The following ACOX2 variants were observed in gnomAD, a reference collection of about 807,000 sequenced individuals.
The protein encoded by ACOX2 is peroxisomal acyl-coenzyme A oxidase 2.
A neutral mutation model predicts 77.5 loss-of-function variants in ACOX2; 59 were observed. The observed-to-expected ratio is 0.76, with a 90% CI of 0.62 to 0.95. The LOEUF (loss-of-function observed/expected upper bound fraction) is 0.95. ACOX2 is among the 40% of genes least tolerant of loss of function. ACOX2 has a pLI of 0.00. For synonymous variants in ACOX2, 317 were observed against 340.1 expected (o/e 0.93, Z 0.75); for missense variants, 837 against 880.4 (o/e 0.95, Z 0.62).
In ACOX2 at chr3:58,531,876, C is replaced by G; in HGVS notation, c.584-64G>C. The G allele has an allele frequency of 2.0e-6, 3 of 1,535,140 alleles. No individual in the cohort carries two copies. Among genetic ancestry groups the G allele is most frequent in the Non-Finnish European group, 2.6e-6 (3 of 1,142,964 alleles). On this transcript the variant is annotated intron_variant, in intron 5 of 14. Transcript: ENST00000302819. The surrounding 1 kb of genome is among the most constrained non-coding windows in gnomAD (Gnocchi z 5.8). ...CTGTGCATTGCTTTTCCCAACCAAC[C>G]CAGCCTCCTGGGGCTGGGGTTTTGG... is the stretch of plus-strand genomic sequence containing the variant.
Position 58,505,355 on chromosome 3 carries a change from A to C in ACOX2, c.1984-69T>G, listed in dbSNP as rs1576982835. 7.8e-7 allele frequency: 1 copy of C among 1,278,962 alleles called. No individual in the cohort carries two copies. Among genetic ancestry groups the C allele is most frequent in the East Asian group, 2.5e-5 (1 of 40,696 alleles). 79.2% of individuals were successfully genotyped at this position (1,278,962 alleles called of 1,614,324 possible). On this transcript the variant is annotated intron_variant, in intron 14 of 14. Transcript: ENST00000302819. The surrounding 1 kb of genome is among the most constrained non-coding windows in gnomAD (Gnocchi z 4.4). ...CCAGGATTAATGACTTTCACTTTCA[A>C]ATTAAGTCTCTAGCTTCAAAAAGTA...
In ACOX2 at chr3:58,534,442, T is replaced by C. The variant is rs777864682; in HGVS notation, c.241A>G (p.Met81Val). 1 of 1,614,192 alleles carries C rather than the reference T, an allele frequency of 6.2e-7. No homozygotes were observed. Among genetic ancestry groups the C allele is most frequent in the Non-Finnish European group, 8.5e-7 (1 of 1,180,042 alleles). The change falls in exon 3 of 15, where the codon ATG becomes GTG. Residue 81 changes from methionine to valine, a missense_variant. By Grantham distance (21) the Met-to-Val change is conservative (BLOSUM62 1). Coordinates refer to ENST00000302819, the MANE Select transcript of ACOX2 (RefSeq NM_003500.4). This position sits in a 1 kb window ranked among gnomAD's most constrained non-coding sequence, Gnocchi z 4.8. The part of the protein sequence containing the change: ...MTQNERYKAA[M>V]RRAFHIRLIA... ...AACCGGATGTGGAATGCCCTCCGCATGGCAGCCTTATAACGCTCATTCTGG... is the reference window on the plus strand; with the variant it reads ...AACCGGATGTGGAATGCCCTCCGCACGGCAGCCTTATAACGCTCATTCTGG...
Position 58,525,956 on chromosome 3 carries a change from G to T in ACOX2, c.1346+510C>A, listed in dbSNP as rs1246021294. On this transcript the variant is annotated intron_variant, in intron 10 of 14. Transcript: ENST00000302819. The surrounding 1 kb of genome is among the most constrained non-coding windows in gnomAD (Gnocchi z 5.0). ...TGCTTGAACCCGGCGGGCAGAGGTT[G>T]CAGTGAGCCGAGATTGCACCACTGC... Among the ~76,000 whole-genome samples, 2 of 152,096 alleles carry T rather than the reference G, an allele frequency of 1.3e-5. No individual in the cohort carries two copies. The highest frequency in any genetic ancestry group is 1.9e-4 in the East Asian group (1 of 5,184).
rs1246276895 is a variant in ACOX2, at chr3:58,519,114, G to T, written c.1633-1691C>A. 6.6e-6 allele frequency among the ~76,000 whole-genome samples: 1 copy of T among 151,894 alleles called. No homozygotes were observed. Among genetic ancestry groups the T allele is most frequent in the African/African-American group, 2.4e-5 (1 of 41,378 alleles). ...TGTCTTGGGGGTTCGGCTGGGCGCGGTGGCTCACACCTATATCCCAGCACT... is the reference window on the plus strand; with the variant it reads ...TGTCTTGGGGGTTCGGCTGGGCGCGTTGGCTCACACCTATATCCCAGCACT... On this transcript the variant is annotated intron_variant, in intron 12 of 14. Transcript: ENST00000302819. This position sits in a 1 kb window ranked among gnomAD's most constrained non-coding sequence, Gnocchi z 5.0.
chr3:58,530,609 G>A lies in ACOX2; in HGVS notation c.849C>T (p.Leu283=), dbSNP rs997701197. The A allele has an allele frequency of 2.5e-6, 4 of 1,614,138 alleles. No individual in the cohort carries two copies. The highest frequency in any genetic ancestry group is 3.4e-6 in the Non-Finnish European group (4 of 1,179,990). The part of the protein sequence containing the change: ...QVLPDGTYVK[L]GTAQSNYLPM... ...GAAGGTAGTTGCTCTGTGCTGTACC[G>A]AGTTTGACGTAGGTGCCATCTGGCA... is the stretch of plus-strand genomic sequence containing the variant. Residue 283 remains leucine (L), a synonymous_variant, in exon 8 of 15, where the codon CTC becomes CTT. Transcript: ENST00000302819.
chr3:58,505,422 C>T lies in ACOX2; in HGVS notation c.1984-136G>A. 1.4e-6 allele frequency: 1 copy of T among 707,572 alleles called. No individual in the cohort carries two copies. Among genetic ancestry groups the T allele is most frequent in the Non-Finnish European group, 2.2e-6 (1 of 459,436 alleles). The allele number at this position is 707,572 out of a possible 1,614,324, so 43.8% of individuals were successfully genotyped here. A position where few individuals can be genotyped will look rare whatever the true frequency, so the allele number is the denominator to read the frequency against. On this transcript the variant is annotated intron_variant, in intron 14 of 14. Transcript: ENST00000302819. The surrounding 1 kb of genome is among the most constrained non-coding windows in gnomAD (Gnocchi z 4.4). The stretch of plus-strand genomic sequence containing the variant: ...TTAATTTTAAAAATTATTTCTAAGA[C>T]TCATTTTGTGTGAACATATGGAGAA...
chr3:58,508,806 A>C, intron 14 of ACOX2, 87 bp downstream of exon 14: 1 of 1,528,356 alleles, frequency 6.5e-7, no homozygotes, highest in Non-Finnish European at 8.9e-7. Flanking sequence ...CCTAACGGGA[A>C]TCAATTAAAA....
In ACOX2 at chr3:58,526,962, G is replaced by A. The variant is rs1404850880; in HGVS notation, c.1156-306C>T. On this transcript the variant is annotated intron_variant, in intron 9 of 14. Coordinates refer to ENST00000302819, the MANE Select transcript of ACOX2 (RefSeq NM_003500.4). The surrounding 1 kb of genome is among the most constrained non-coding windows in gnomAD (Gnocchi z 4.3). ...GGGCCCACAAACCTCCAGGAGTTACGGATTTTGCTGGCCTGGGTTTTAGAA... is the reference window on the plus strand; with the variant it reads ...GGGCCCACAAACCTCCAGGAGTTACAGATTTTGCTGGCCTGGGTTTTAGAA... Among the ~76,000 whole-genome samples the A allele has an allele frequency of 6.6e-6, 1 of 152,148 alleles. No homozygotes were observed. Among genetic ancestry groups the A allele is most frequent in the Non-Finnish European group, 1.5e-5 (1 of 68,034 alleles).
rs1391458306 is a variant in ACOX2, at chr3:58,515,403, G to A, written c.1850+1803C>T. On this transcript the variant is annotated intron_variant, in intron 13 of 14. Transcript: ENST00000302819. The surrounding 1 kb of genome is among the most constrained non-coding windows in gnomAD (Gnocchi z 4.0). ...GGGCATGTAACATATTGCATATTGT[G>A]AGAAATAAAAGGAATTTGGTCTAGT... 1.3e-5 allele frequency among the ~76,000 whole-genome samples: 2 copies of A among 152,160 alleles called. No individual in the cohort carries two copies. The highest frequency in any genetic ancestry group is 2.4e-5 in the African/African-American group (1 of 41,412).
chr3:58,524,515 T>A lies in ACOX2; in HGVS notation c.1437A>T (p.Ala479=). 1 of 1,613,854 alleles carries A rather than the reference T, an allele frequency of 6.2e-7. No homozygotes were observed. The highest frequency in any genetic ancestry group is 8.5e-7 in the Non-Finnish European group (1 of 1,179,946). The change falls in exon 11 of 15, where the codon GCA becomes GCT. Residue 479 remains alanine, a synonymous_variant. Transcript: ENST00000302819. This position sits in a 1 kb window ranked among gnomAD's most constrained non-coding sequence, Gnocchi z 5.5. ...GGGCTGGACACCTGGCCAGGTCAGG[T>A]GCGGTGAGATATGCGACAGATGGAG... ...SLSPSVAYLT[A]PDLARCPAQR...
Position 58,523,349 on chromosome 3 carries a change from T to G in ACOX2, c.1527-748A>C, listed in dbSNP as rs2063372747. Among the ~76,000 whole-genome samples the G allele has an allele frequency of 6.6e-6, 1 of 152,144 alleles. No individual in the cohort carries two copies. The highest frequency in any genetic ancestry group is 1.5e-5 in the Non-Finnish European group (1 of 68,018). ...TCTTCCCCTCCTCAAATCTCCCAAT[T>G]GAAATGTTAGCTCTATGAGTTTGGG... On this transcript the variant is annotated intron_variant, in intron 11 of 14. Coordinates refer to ENST00000302819, the MANE Select transcript of ACOX2 (RefSeq NM_003500.4). This position sits in a 1 kb window ranked among gnomAD's most constrained non-coding sequence, Gnocchi z 5.3.
In ACOX2 at chr3:58,526,418, T is replaced by TG. The variant is rs1186059243; in HGVS notation, c.1346+47dup. 2 of 1,544,592 alleles carry TG rather than the reference T, an allele frequency of 1.3e-6. No homozygotes were observed. The highest frequency in any genetic ancestry group is 1.7e-6 in the Non-Finnish European group (2 of 1,142,950). On this transcript the variant is annotated intron_variant, in intron 10 of 14. Coordinates refer to ENST00000302819, the MANE Select transcript of ACOX2 (RefSeq NM_003500.4). The surrounding 1 kb of genome is among the most constrained non-coding windows in gnomAD (Gnocchi z 4.3). ...AACCCTCCACCCAACAGAAGCTTGG[T>TG]GGGTCCCCAAGGGCTTGGGCAAAGG... is the stretch of plus-strand genomic sequence containing the variant.
rs200690240 is a variant in ACOX2, at chr3:58,534,942, C to T, written c.160+5G>A. 2.3e-4 allele frequency: 367 copies of T among 1,614,012 alleles called. 5 individuals carry two copies. Among genetic ancestry groups the T allele is most frequent in the Non-Finnish European group, 2.5e-4 (290 of 1,179,958 alleles). ...CAGATGTCCCATTCCCCAGCTTCCC[C>T]TTACCAACTTTCCTGCGGAGTGCAG... On this transcript the variant is annotated splice_donor_5th_base_variant and intron_variant, in intron 2 of 14. Coordinates refer to ENST00000302819, the MANE Select transcript of ACOX2 (RefSeq NM_003500.4). The surrounding 1 kb of genome is among the most constrained non-coding windows in gnomAD (Gnocchi z 4.8).
In ACOX2 at chr3:58,508,947, T is replaced by G; in HGVS notation, c.1929A>C (p.Gly643=). The part of the protein sequence containing the change: ...CLNSALGCYD[G]NVYERLFQWA... Reference sequence around the variant, plus strand: ...ACTGGAACAGGCGTTCGTAGACGTTTCCATCATAACAGCCAAGTGCTGAAT... The same window carrying G: ...ACTGGAACAGGCGTTCGTAGACGTTGCCATCATAACAGCCAAGTGCTGAAT... The change falls in exon 14 of 15, where the codon GGA becomes GGC. Residue 643 remains glycine (G), a synonymous_variant. Coordinates refer to ENST00000302819, the MANE Select transcript of ACOX2 (RefSeq NM_003500.4). The G allele has an allele frequency of 6.2e-7, 1 of 1,614,228 alleles. No homozygotes were observed. The highest frequency in any genetic ancestry group is 8.5e-7 in the Non-Finnish European group (1 of 1,180,028).
intron 12 of ACOX2, 112 bp from the exon 13 acceptor site, chr3:58,517,535 G>T: frequency 1.1e-6 from 1 of 890,500 alleles, no homozygotes; most frequent in Non-Finnish European, 1.7e-6. Context: ...GTGCTTCCCA[G>T]CAGGCTGATG....
In ACOX2 at chr3:58,517,357, C is replaced by T; in HGVS notation, c.1699G>A (p.Ala567Thr). 6.2e-7 allele frequency: 1 copy of T among 1,614,158 alleles called. No homozygotes were observed. Among genetic ancestry groups the T allele is most frequent in the East Asian group, 2.2e-5 (1 of 44,878 alleles). ...EALEKLENEP[A>T]IQQVLKRLCD... ...AGGCGCTTGAGCACCTGCTGAATCG[C>T]TGGTTCATTTTCTAGTTTCTCCAGA... Residue 567 changes from alanine (A) to threonine (T), a missense_variant, in exon 13 of 15, where the codon GCG becomes ACG. Physicochemically the swap from Ala to Thr is moderately conservative, Grantham distance 58. Transcript: ENST00000302819.
Position 58,533,682 on chromosome 3 carries a change from T to G in ACOX2, c.476-130A>C. On this transcript the variant is annotated intron_variant, in intron 4 of 14. Transcript: ENST00000302819. The surrounding 1 kb of genome is among the most constrained non-coding windows in gnomAD (Gnocchi z 5.6). ...GTGGGGCCCAGCTCCCAGCTGTACT[T>G]GCAGGCAGTTCTCCCCTTTCATCTG... is the stretch of plus-strand genomic sequence containing the variant. 1 of 802,218 alleles carries G rather than the reference T, an allele frequency of 1.2e-6. No homozygotes were observed. Among genetic ancestry groups the G allele is most frequent in the Non-Finnish European group, 2.0e-6 (1 of 491,732 alleles). 49.7% of individuals were successfully genotyped at this position (802,218 alleles called of 1,614,324 possible).
At chr3:58,511,322 AT>A (rs1576987471) in intron 13 of ACOX2, 2 of 358,742 alleles carry the variant, frequency 5.6e-6, no homozygotes, top group African/African-American at 4.6e-5. Context: ...GGGCAAGTTC[AT>A]GAAAAAGTGG....
intron 13 of ACOX2, among the ~76,000 whole-genome samples, chr3:58,513,795 G>C (rs968588478): frequency 6.6e-6 from 1 of 152,128 alleles, no homozygotes; most frequent in Non-Finnish European, 1.5e-5. Flanking sequence ...GCCTTAACTA[G>C]CTGATTACAA....
Sources: gnomAD v4.1 joint callset for allele counts (sites outside exome capture counted in the v4.1 genomes callset) on GRCh38, gnomAD v4.1.1 for gene constraint, Gnocchi (gnomAD v3.1) non-coding constraint, MANE v1.5 for transcripts, NCBI Gene and HGNC (gene_info 2026-07-23, HGNC 2026-07-21) for gene names.